Variants in RAI14 observed in about 807,000 individuals in gnomAD.
RAI14 encodes retinoic acid induced 14, also known as ankycorbin.
In RAI14, 45 loss-of-function variants were observed where a neutral mutation model predicts 115.4. The ratio of observed to expected loss-of-function variants is 0.39; its 90% CI spans 0.31 to 0.50. The LOEUF is 0.50. Among genes scored for constraint, RAI14 ranks in the 20% least tolerant of loss-of-function variants. The probability of loss-of-function intolerance (pLI) is 0.85; values close to 1 mark genes in which losing one functional copy is unlikely to be tolerated. For synonymous variants in RAI14, 371 were observed against 415.4 expected, an observed-to-expected ratio of 0.89 and a Z score of 1.30; for missense variants, 939 against 1,131.2, an observed-to-expected ratio of 0.83 and a Z score of 2.44.
At chr5:34,799,493 GACACACACACACACACACACACACAC>G (rs780186006) in intron 4 of RAI14, among the ~76,000 whole-genome samples, 1 of 124,042 alleles carries the variant, frequency 8.1e-6, no homozygotes, top group African/African-American at 2.9e-5. Context: ...CACACACACA[GACACACACACACACACACACACACAC>G]ACACACACAC....
rs758868282 is a variant in RAI14 at position 34,824,031 on chromosome 5, T to C, written c.2189T>C (p.Ile730Thr). The C allele has an allele frequency of 6.2e-7, 1 of 1,614,172 alleles. No individual in the cohort carries two copies. The highest frequency in any genetic ancestry group is 1.1e-5 in the South Asian group (1 of 91,052). Reference sequence around the variant, plus strand: ...GCACAAAAAGAGAACTCTGTCTCTATCACAGAACATTTGCAAGTGATAACC... The same window carrying C: ...GCACAAAAAGAGAACTCTGTCTCTACCACAGAACATTTGCAAGTGATAACC... ...VDAQKENSVS[I>T]TEHLQVITTL... Residue 730 changes from isoleucine (I) to threonine (T), a missense_variant, in exon 15 of 18, where the codon ATC becomes ACC. Coordinates refer to ENST00000265109, the MANE Select transcript of RAI14 (RefSeq NM_015577.3).
chr5:34,770,481 C>A (rs1750010772), intron 3 of RAI14, among the ~76,000 whole-genome samples: 1 of 152,170 alleles, frequency 6.6e-6, no homozygotes, highest in African/African-American at 2.4e-5. Flanking sequence ...GGCAGACAGA[C>A]AATAAACAGA....
chr5:34,688,001 C>T (rs915453766), intron 2 of RAI14: 37 of 1,273,298 alleles, frequency 2.9e-5, no homozygotes, highest in Admixed American at 2.4e-4. Context: ...GGTAAAATAC[C>T]GACCCACTTA....
Position 34,823,480 on chromosome 5 carries a change from T to G in RAI14, c.1638T>G (p.Ser546Arg), listed in dbSNP as rs1246215757. The G allele has an allele frequency of 1.9e-6, 3 of 1,613,072 alleles. No homozygotes were observed. The highest frequency in any genetic ancestry group is 1.7e-5 in the Admixed American group (1 of 59,922). The change falls in exon 15 of 18, where the codon AGT (serine) becomes AGG (arginine). Residue 546 changes from serine (S) to arginine (R), a missense_variant. Coordinates refer to ENST00000265109, the MANE Select transcript of RAI14 (RefSeq NM_015577.3). This position sits in a 1 kb window ranked among gnomAD's most constrained non-coding sequence, Gnocchi z 4.5. ...ATCTGCAGAATGCATTAGAAGAAAGTGAAAGAAATAAAGAGAAAGTGAGAG... is the reference window on the plus strand; with the variant it reads ...ATCTGCAGAATGCATTAGAAGAAAGGGAAAGAAATAAAGAGAAAGTGAGAG... ...KQDLQNALEE[S>R]ERNKEKVREL... is the part of the protein sequence containing the mutation.
chr5:34,727,572 G>A (rs1013425257), intron 2 of RAI14, among the ~76,000 whole-genome samples: 1 of 152,186 alleles, frequency 6.6e-6, no homozygotes, highest in Non-Finnish European at 1.5e-5. Flanking sequence ...CAGGCCTGGG[G>A]CCCCCTTGCT....
chr5:34,757,725 A>G, intron 3 of RAI14, 127 bp downstream of exon 3: 1 of 1,228,788 alleles, frequency 8.1e-7, no homozygotes, highest in Non-Finnish European at 1.1e-6. Flanking sequence ...AATATGTAAG[A>G]AGATATTTTA....
chr5:34,775,191 G>A (rs12652087), intron 3 of RAI14, among the ~76,000 whole-genome samples: 13,469 of 152,162 alleles, frequency 0.089, 1,035 homozygotes, highest in African/African-American at 0.21. Context: ...ACTCTGTAGG[G>A]CGTTGGGTTG....
chr5:34,819,010 A>G (rs960118788), intron 13 of RAI14, among the ~76,000 whole-genome samples, 159 bp downstream of exon 13: 2 of 152,188 alleles, frequency 1.3e-5, no homozygotes, highest in African/African-American at 4.8e-5. Context: ...AGCGCTCTGT[A>G]CTTCAGGGTG....
chr5:34,808,870 A>G (rs1755238511), intron 7 of RAI14, among the ~76,000 whole-genome samples: 3 of 152,086 alleles, frequency 2.0e-5, no homozygotes, highest in Admixed American at 2.0e-4. Context: ...GGAGTGCACA[A>G]CCTAGATCCC....
chr5:34,763,067 A>G (rs896627865), intron 3 of RAI14, among the ~76,000 whole-genome samples: 3 of 151,320 alleles, frequency 2.0e-5, no homozygotes, highest in African/African-American at 7.3e-5. Context: ...TTTTTAGATG[A>G]CTCTGTGGAG....
At chr5:34,773,119 C>A (rs1034983158) in intron 3 of RAI14, among the ~76,000 whole-genome samples, 4 of 151,988 alleles carry the variant, frequency 2.6e-5, no homozygotes, top group Non-Finnish European at 2.9e-5. Flanking sequence ...AGTTTGTTTT[C>A]AAACAAACTT....
intron 1 of RAI14, chr5:34,685,807 T>A (rs1000105464): frequency 5.9e-5 from 9 of 152,198 alleles, no homozygotes; most frequent in Non-Finnish European, 1.0e-4. Context: ...CCTTCCTCCC[T>A]GAAAAATGTA....
At chr5:34,784,878 G>A (rs1279223552) in intron 3 of RAI14, among the ~76,000 whole-genome samples, 1 of 152,210 alleles carries the variant, frequency 6.6e-6, no homozygotes, top group East Asian at 1.9e-4. Flanking sequence ...CTTAGAGCAG[G>A]TCGTATCCAA....
At chr5:34,722,635 C>T (rs1349665675) in intron 2 of RAI14, among the ~76,000 whole-genome samples, 1 of 152,088 alleles carries the variant, frequency 6.6e-6, no homozygotes, top group Non-Finnish European at 1.5e-5. Flanking sequence ...CATTGGAGGT[C>T]AGGAGTTCGG....
chr5:34,733,365 CAT>C (rs1358825647), intron 2 of RAI14: 3 of 152,188 alleles, frequency 2.0e-5, no homozygotes, highest in Non-Finnish European at 4.4e-5. Context: ...TCCTATTGAA[CAT>C]ATGCATTTAA....
At chr5:34,760,570 G>C (rs2150101904) in intron 3 of RAI14, among the ~76,000 whole-genome samples, 1 of 152,260 alleles carries the variant, frequency 6.6e-6, no homozygotes, top group African/African-American at 2.4e-5. Context: ...CCCAGAGAAA[G>C]GGGAGAGAAA....
chr5:34,823,820 G>A lies in RAI14; in HGVS notation c.1978G>A (p.Glu660Lys), dbSNP rs1368599479. The change falls in exon 15 of 18, where the codon GAG becomes AAG. Residue 660 changes from glutamate to lysine, a missense_variant. Coordinates refer to ENST00000265109, the MANE Select transcript of RAI14 (RefSeq NM_015577.3). The surrounding 1 kb of genome is among the most constrained non-coding windows in gnomAD (Gnocchi z 4.5). Reference sequence around the variant, plus strand: ...GTACAAAGAAGCCCAGGCTGAGCTGGAGGATTACAGGAAGAGGAAATCTCT... The same window carrying A: ...GTACAAAGAAGCCCAGGCTGAGCTGAAGGATTACAGGAAGAGGAAATCTCT... ...QLYKEAQAEL[E>K]DYRKRKSLED... 1 of 1,614,014 alleles carries A rather than the reference G, an allele frequency of 6.2e-7. No homozygotes were observed. The highest frequency in any genetic ancestry group is 8.5e-7 in the Non-Finnish European group (1 of 1,179,990).
chr5:34,715,417 GTC>G (rs532761413), intron 2 of RAI14, among the ~76,000 whole-genome samples: 41 of 152,222 alleles, frequency 2.7e-4, no homozygotes, highest in Admixed American at 2.5e-3. Context: ...GTATTTCAGG[GTC>G]TTATCAGTCC....
At chr5:34,732,111 AT>A (rs1447585717) in intron 2 of RAI14, among the ~76,000 whole-genome samples, 1 of 152,198 alleles carries the variant, frequency 6.6e-6, no homozygotes, top group Non-Finnish European at 1.5e-5. Context: ...CAAGTCCAAC[AT>A]GGGATCAGCC....
Sources: gnomAD v4.1 joint callset for allele counts (sites outside exome capture counted in the v4.1 genomes callset) on GRCh38, gnomAD v4.1.1 for gene constraint, Gnocchi (gnomAD v3.1) non-coding constraint, MANE v1.5 for transcripts, NCBI Gene and HGNC (gene_info 2026-07-23, HGNC 2026-07-21) for gene names.